MED8: variants seen among roughly 807,000 people sequenced by gnomAD.
MED8 encodes mediator complex subunit 8.
A neutral mutation model predicts 34.8 loss-of-function variants in MED8; 22 were observed. That is an observed-to-expected ratio of 0.63 (90% CI 0.45 to 0.90). The LOEUF is 0.90. Ranked by LOEUF, MED8 falls within the 40% of genes least tolerant of loss-of-function variation. MED8 has a pLI of 0.00. For synonymous variants in MED8, 105 were observed against 120.2 expected (o/e 0.87, Z 0.83); for missense variants, 260 against 326.3 (o/e 0.80, Z 1.57).
intron 1 of MED8, 167 bp from the exon 2 acceptor site, chr1:43,388,595 AGCATC>A (rs1647870506): frequency 8.4e-7 from 1 of 1,189,394 alleles, no homozygotes; most frequent in Non-Finnish European, 1.1e-6. Flanking sequence ...GGTTATAGAC[AGCATC>A]AACCCTGAGA....
At chr1:43,385,369 T>C in intron 6 of MED8, 1 of 443,062 alleles carries the variant, frequency 2.3e-6, no homozygotes, top group Non-Finnish European at 4.0e-6. Context: ...GACTCCCATT[T>C]AACGTCACAG....
chr1:43,385,151 T>C (rs1439292269), intron 6 of MED8, 45 bp from the exon 7 acceptor site: 1 of 1,545,954 alleles, frequency 6.5e-7, no homozygotes, highest in East Asian at 2.4e-5. Flanking sequence ...GGTAAGACTT[T>C]CATGACAAAT....
intron 3 of MED8, 53 bp downstream of exon 3, chr1:43,387,447 AAAG>A: frequency 6.3e-7 from 1 of 1,582,498 alleles, no homozygotes. Context: ...CCTAAATACT[AAAG>A]AAGCCTAAAA....
In MED8 at chr1:43,384,304, C is replaced by T. The variant is rs1647647495; in HGVS notation, c.*738G>A. 4.8e-6 allele frequency: 5 copies of T among 1,031,638 alleles called. No individual in the cohort carries two copies. Among genetic ancestry groups the T allele is most frequent in the Non-Finnish European group, 6.8e-6 (5 of 737,964 alleles). The allele number at this position is 1,031,638 out of a possible 1,614,324, so 63.9% of individuals were successfully genotyped here. On this transcript the variant is annotated 3_prime_UTR_variant, in exon 7 of 7. Coordinates refer to ENST00000372457, the MANE Select transcript of MED8 (RefSeq NM_201542.5). ...TTCGTGTGCTAAGGAAAAACCCTTT[C>T]CCACATAGTCCTGCCTGGCAGAGCC...
Position 43,386,873 on chromosome 1 carries a change from A to C in MED8, c.396T>G (p.Gly132=). ...TCAGTCCAACCTGGGCTGCATCTGC[A>C]CCAATGCGGGCAGCATCTGTCGTCA... is the stretch of plus-strand genomic sequence containing the variant. ...KQLTTDAARI[G]ADAAQKQIQS... The change falls in exon 4 of 7, where the codon GGT becomes GGG. Residue 132 remains glycine, a synonymous_variant. Coordinates refer to ENST00000372457, the MANE Select transcript of MED8 (RefSeq NM_201542.5). The surrounding 1 kb of genome is among the most constrained non-coding windows in gnomAD (Gnocchi z 4.9). 2 of 1,614,000 alleles carry C rather than the reference A, an allele frequency of 1.2e-6. No homozygotes were observed. Among genetic ancestry groups the C allele is most frequent in the Non-Finnish European group, 1.7e-6 (2 of 1,179,884 alleles).
intron 2 of MED8, among the ~76,000 whole-genome samples, chr1:43,387,977 A>T (rs1647795138): frequency 6.6e-6 from 1 of 152,218 alleles, no homozygotes; most frequent in South Asian, 2.1e-4. Context: ...TGGAAATAAG[A>T]TCCACACTTC....
chr1:43,385,011 A>G lies in MED8; in HGVS notation c.*31T>C. On this transcript the variant is annotated 3_prime_UTR_variant, in exon 7 of 7. Transcript: ENST00000372457. ...AATTTCACTGCCCAACTCTGCAAAGAGCACCAGGGAGTCGAGGTTGCCAGC... is the reference window on the plus strand; with the variant it reads ...AATTTCACTGCCCAACTCTGCAAAGGGCACCAGGGAGTCGAGGTTGCCAGC... 6.4e-7 allele frequency: 1 copy of G among 1,551,094 alleles called. No individual in the cohort carries two copies. Among genetic ancestry groups the G allele is most frequent in the South Asian group, 1.2e-5 (1 of 83,862 alleles).
intron 1 of MED8, chr1:43,389,300 T>G: frequency 5.8e-6 from 1 of 172,238 alleles, no homozygotes; most frequent in Non-Finnish European, 1.2e-5. Context: ...TGGCCTCTGA[T>G]TATAAGCTGC....
chr1:43,388,433 A>G lies in MED8; in HGVS notation c.7-5T>C. On this transcript the variant is annotated splice_region_variant and splice_polypyrimidine_tract_variant and intron_variant, in intron 1 of 6. Transcript: ENST00000372457. ...CTCAAGCTGCTTCTCCTCTCTCTGC[A>G]CCAATAGGAACAGGTTGGTCACCCA... 6.2e-7 allele frequency: 1 copy of G among 1,613,236 alleles called. No individual in the cohort carries two copies. The highest frequency in any genetic ancestry group is 8.5e-7 in the Non-Finnish European group (1 of 1,179,856).
chr1:43,387,704 T>C, intron 2 of MED8, 57 bp from the exon 3 acceptor site: 1 of 1,595,548 alleles, frequency 6.3e-7, no homozygotes, highest in Admixed American at 1.7e-5. Flanking sequence ...TGGTTCTTAG[T>C]AAAATAGTCC....
Position 43,384,390 on chromosome 1 carries a change from T to C in MED8, c.*652A>G. ...TAAAGGATAGGGGACTTTATGACTA[T>C]TTGACAGGTAAAAGCCAAGTTGGCT... is the stretch of plus-strand genomic sequence containing the variant. On this transcript the variant is annotated 3_prime_UTR_variant, in exon 7 of 7. Transcript: ENST00000372457. 1.3e-6 allele frequency: 2 copies of C among 1,532,746 alleles called. No individual in the cohort carries two copies. Among genetic ancestry groups the C allele is most frequent in the Non-Finnish European group, 1.8e-6 (2 of 1,140,572 alleles). The allele number at this position is 1,532,746 out of a possible 1,614,324, so 94.9% of individuals were successfully genotyped here.
In MED8 at chr1:43,384,638, G is replaced by T; in HGVS notation, c.*404C>A. 5 of 1,495,632 alleles carry T rather than the reference G, an allele frequency of 3.3e-6. No homozygotes were observed. The highest frequency in any genetic ancestry group is 4.5e-6 in the Non-Finnish European group (5 of 1,122,826). 92.6% of individuals were successfully genotyped at this position (1,495,632 alleles called of 1,614,324 possible). A position where few individuals can be genotyped will look rare whatever the true frequency, so the allele number is the denominator to read the frequency against. On this transcript the variant is annotated 3_prime_UTR_variant, in exon 7 of 7. Coordinates refer to ENST00000372457, the MANE Select transcript of MED8 (RefSeq NM_201542.5). ...TAAGCATAGCCTTATTTGATCTTGTGTCCATCAGCTCACCATTGACGTGAG... is the reference window on the plus strand; with the variant it reads ...TAAGCATAGCCTTATTTGATCTTGTTTCCATCAGCTCACCATTGACGTGAG...
Position 43,384,358 on chromosome 1 carries a change from G to C in MED8, c.*684C>G, listed in dbSNP as rs923302900. 1 of 1,462,672 alleles carries C rather than the reference G, an allele frequency of 6.8e-7. No individual in the cohort carries two copies. The highest frequency in any genetic ancestry group is 1.4e-5 in the African/African-American group (1 of 69,796). 90.6% of individuals were successfully genotyped at this position (1,462,672 alleles called of 1,614,324 possible). On this transcript the variant is annotated 3_prime_UTR_variant, in exon 7 of 7. Transcript: ENST00000372457. ...TCCTGAGAAAGCCTCGTGTGTATAA[G>C]GTGGGGTAAAGGATAGGGGACTTTA...
At chr1:43,385,468 C>A (rs1570502764) in intron 6 of MED8, 2 of 239,094 alleles carry the variant, frequency 8.4e-6, no homozygotes, top group Non-Finnish European at 8.2e-6. Context: ...TTTTCCTAGA[C>A]AGCTTGGAGG....
In MED8 at chr1:43,384,975, G is replaced by C; in HGVS notation, c.*67C>G. The C allele has an allele frequency of 3.9e-6, 6 of 1,527,168 alleles. No individual in the cohort carries two copies. The highest frequency in any genetic ancestry group is 5.3e-6 in the Non-Finnish European group (6 of 1,137,770). The allele number at this position is 1,527,168 out of a possible 1,614,324, so 94.6% of individuals were successfully genotyped here. A position where few individuals can be genotyped will look rare whatever the true frequency, so the allele number is the denominator to read the frequency against. On this transcript the variant is annotated 3_prime_UTR_variant, in exon 7 of 7. Transcript: ENST00000372457. Reference sequence around the variant, plus strand: ...TATTGTACCCATCTAGGTGAGCCTTGAGCAAAAGGTAATTTCACTGCCCAA... The same window carrying C: ...TATTGTACCCATCTAGGTGAGCCTTCAGCAAAAGGTAATTTCACTGCCCAA...
chr1:43,386,513 C>T lies in MED8; in HGVS notation c.493+76G>A. On this transcript the variant is annotated intron_variant, in intron 5 of 6. Transcript: ENST00000372457. The surrounding 1 kb of genome is among the most constrained non-coding windows in gnomAD (Gnocchi z 4.9). ...TCACCCTTGTGTCCTAACTTCACTA[C>T]TTCCAAAACAACCATTCCCATTCCA... The T allele has an allele frequency of 6.7e-7, 1 of 1,482,758 alleles. No individual in the cohort carries two copies. Among genetic ancestry groups the T allele is most frequent in the African/African-American group, 1.4e-5 (1 of 72,296 alleles). The allele number at this position is 1,482,758 out of a possible 1,614,324, so 91.9% of individuals were successfully genotyped here.
intron 6 of MED8, 76 bp from the exon 7 acceptor site, chr1:43,385,182 T>C: frequency 6.6e-7 from 1 of 1,524,904 alleles, no homozygotes; most frequent in Non-Finnish European, 8.8e-7. Context: ...GTACCTCAGG[T>C]TCCCTCTGTC....
At chr1:43,389,705 C>G (rs1648002337) in intron 1 of MED8, 54 bp downstream of exon 1, 1 of 1,599,812 alleles carries the variant, frequency 6.3e-7, no homozygotes. Context: ...AGCCCACTCT[C>G]GGTCCCTGTA....
At chr1:43,385,421 TATC>T in intron 6 of MED8, 1 of 293,980 alleles carries the variant, frequency 3.4e-6, no homozygotes. Context: ...TCTTTTTTTA[TATC>T]ATAATAAGTG....
Sources: allele counts gnomAD v4.1 joint callset (sites outside exome capture counted in the v4.1 genomes callset), GRCh38; gene constraint gnomAD v4.1.1; non-coding constraint Gnocchi (gnomAD v3.1); transcripts MANE v1.5; gene names NCBI Gene and HGNC (gene_info 2026-07-23, HGNC 2026-07-21).